Variants in RUNX1 observed in about 807,000 individuals in gnomAD.
RUNX1 encodes runt-related transcription factor 1.
A neutral mutation model predicts 42.8 loss-of-function variants in RUNX1; 19 were observed. That is an observed-to-expected ratio of 0.44 (90% CI 0.31 to 0.65). The LOEUF (loss-of-function observed/expected upper bound fraction) is 0.65. RUNX1 is among the 30% of genes least tolerant of loss of function. The pLI, the probability that RUNX1 is intolerant of heterozygous loss-of-function variation, is 0.07. For missense variants in RUNX1, 528 were observed against 672.0 expected (o/e 0.79, Z 2.37); for synonymous variants, 271 against 289.4 (o/e 0.94, Z 0.64).
chr21:34,931,533 G>GTATATGTAT (rs2058447137), intron 2 of RUNX1, among the ~76,000 whole-genome samples: 1 of 133,940 alleles, frequency 7.5e-6, no homozygotes, highest in Non-Finnish European at 1.5e-5. Flanking sequence ...ATATATACAC[G>GTATATGTAT]TATATGTATT....
At chr21:34,865,279 C>CGTGCGT (rs1555895662) in intron 5 of RUNX1, among the ~76,000 whole-genome samples, 8 of 132,472 alleles carry the variant, frequency 6.0e-5, no homozygotes, top group African/African-American at 1.4e-4. Flanking sequence ...GGGTTTTGTG[C>CGTGCGT]GTGTGTGTGT....
intron 2 of RUNX1, among the ~76,000 whole-genome samples, chr21:35,041,657 T>G (rs937284037): frequency 2.5e-5 from 3 of 118,812 alleles, no homozygotes; most frequent in African/African-American, 4.1e-5. Context: ...TTTTTCTTTC[T>G]TTCTTTTTTT....
chr21:34,803,834 A>C (rs574771790), intron 7 of RUNX1, among the ~76,000 whole-genome samples: 19 of 152,252 alleles, frequency 1.2e-4, no homozygotes, highest in South Asian at 4.2e-4. Context: ...CACAAGAAGA[A>C]AGGAGAATGC....
intron 5 of RUNX1, among the ~76,000 whole-genome samples, chr21:34,874,547 T>C (rs1475849297): frequency 7.4e-6 from 1 of 135,614 alleles, no homozygotes; most frequent in Non-Finnish European, 1.5e-5. Context: ...GAGGTGGAGG[T>C]TGCAGTGAGC....
At chr21:34,904,706 A>T (rs2058203818) in intron 2 of RUNX1, among the ~76,000 whole-genome samples, 2 of 152,184 alleles carry the variant, frequency 1.3e-5, no homozygotes, top group African/African-American at 4.8e-5. Flanking sequence ...ATTGGTTGAT[A>T]CAGCACTTCT....
chr21:34,834,335 G>T, intron 7 of RUNX1, 75 bp downstream of exon 7: 1 of 1,467,234 alleles, frequency 6.8e-7, no homozygotes, highest in Non-Finnish European at 9.6e-7. Flanking sequence ...GGGAAGGTGT[G>T]TGCACATGGG....
At chr21:35,006,179 T>C (rs6517269) in intron 2 of RUNX1, among the ~76,000 whole-genome samples, 47,356 of 152,030 alleles carry the variant, frequency 0.31, 8,453 homozygotes, top group African/African-American at 0.47. Flanking sequence ...ATTGTGGAGT[T>C]GTTGTATGCA....
chr21:34,938,536 C>T (rs1356071378), intron 2 of RUNX1, among the ~76,000 whole-genome samples: 1 of 151,864 alleles, frequency 6.6e-6, no homozygotes, highest in Admixed American at 6.6e-5. Context: ...CCTTCTCCTC[C>T]TTCTTCTTCC....
At position 34,789,911 on chromosome 21, in the gene RUNX1, G is replaced by C; in HGVS notation, c.*2224C>G. 4.3e-6 allele frequency: 1 copy of C among 233,032 alleles called. No individual in the cohort carries two copies. Among genetic ancestry groups the C allele is most frequent in the Non-Finnish European group, 8.5e-6 (1 of 118,014 alleles). 14.4% of individuals were successfully genotyped at this position (233,032 alleles called of 1,614,324 possible). Reference sequence around the variant, plus strand: ...TCATTTTTCTCCAGCATTTTTGCAGGTCAGACATGGTAACATGTGCTGAAA... The same window carrying C: ...TCATTTTTCTCCAGCATTTTTGCAGCTCAGACATGGTAACATGTGCTGAAA... On this transcript the variant is annotated 3_prime_UTR_variant, in exon 9 of 9. Coordinates refer to ENST00000675419, the MANE Select transcript of RUNX1 (RefSeq NM_001754.5).
At chr21:35,017,965 A>G (rs2059171449) in intron 2 of RUNX1, among the ~76,000 whole-genome samples, 1 of 152,176 alleles carries the variant, frequency 6.6e-6, no homozygotes, top group Non-Finnish European at 1.5e-5. Flanking sequence ...TATGGAGAGT[A>G]TAGTATATTG....
intron 2 of RUNX1, among the ~76,000 whole-genome samples, chr21:34,985,461 G>A (rs2058878590): frequency 6.6e-6 from 1 of 152,330 alleles, no homozygotes; most frequent in East Asian, 1.9e-4. Context: ...AGGAGTAGAA[G>A]CTGTGGATGG....
rs117440389 is a variant in RUNX1 at position 35,025,055 on chromosome 21, C to T, written c.58+23787G>A. Among the ~76,000 whole-genome samples the T allele has an allele frequency of 5.2e-3, 792 of 152,246 alleles. 5 individuals are homozygous for T. Among genetic ancestry groups the T allele is most frequent in the South Asian group, 0.029 (138 of 4,818 alleles). ...GAAAGTCATTTCAAAAAAGCAGATC[C>T]GAAGATGTTTAAAGTAATAATGGTG... On this transcript the variant is annotated intron_variant, in intron 2 of 8. Coordinates refer to ENST00000675419, the MANE Select transcript of RUNX1 (RefSeq NM_001754.5).
intron 7 of RUNX1, among the ~76,000 whole-genome samples, chr21:34,820,284 T>G (rs1222572359): frequency 6.6e-6 from 1 of 152,096 alleles, no homozygotes; most frequent in Non-Finnish European, 1.5e-5. Flanking sequence ...AGGATTTCCC[T>G]TCCTTGCTGA....
intron 3 of RUNX1, among the ~76,000 whole-genome samples, chr21:34,889,211 C>T (rs1208670427): frequency 6.6e-6 from 1 of 151,756 alleles, no homozygotes; most frequent in Non-Finnish European, 1.5e-5. Flanking sequence ...CAGGCCTCCG[C>T]TTCCAGGGCG....
chr21:34,989,304 C>T lies in RUNX1; in HGVS notation c.58+59538G>A, dbSNP rs143095095. 2.9e-3 allele frequency among the ~76,000 whole-genome samples: 448 copies of T among 152,098 alleles called. 2 individuals carry two copies. Among genetic ancestry groups the T allele is most frequent in the African/African-American group, 9.7e-3 (403 of 41,482 alleles). On this transcript the variant is annotated intron_variant, in intron 2 of 8. Transcript: ENST00000675419. ...GATTACAAGTGTGAGCCACGGCGCC[C>T]GGCCCCAGATCTCTTTATACTGATC... is the stretch of plus-strand genomic sequence containing the variant.
rs562635601 is a variant in RUNX1 at position 34,976,980 on chromosome 21, CG to C, written c.58+71861del. Reference sequence around the variant, plus strand: ...TGCTATCCAAATTACCTCACTCAAACGGGGAAATGTTCCTTCCATTAAGTAA... The same window carrying C: ...TGCTATCCAAATTACCTCACTCAAACGGGAAATGTTCCTTCCATTAAGTAA... On this transcript the variant is annotated intron_variant, in intron 2 of 8. Transcript: ENST00000675419. 3.7e-3 allele frequency among the ~76,000 whole-genome samples: 565 copies of C among 152,230 alleles called. 9 individuals carry two copies. The highest frequency in any genetic ancestry group is 0.013 in the African/African-American group (540 of 41,516).
intron 5 of RUNX1, among the ~76,000 whole-genome samples, chr21:34,872,835 C>T (rs1050763562): frequency 6.6e-6 from 1 of 152,086 alleles, no homozygotes; most frequent in Non-Finnish European, 1.5e-5. Context: ...AATACACGAC[C>T]ACCAAAAATG....
intron 6 of RUNX1, among the ~76,000 whole-genome samples, chr21:34,844,738 C>T (rs909849324): frequency 1.3e-5 from 2 of 152,216 alleles, no homozygotes; most frequent in East Asian, 1.9e-4. Context: ...AAAAGCCCTG[C>T]CCCCTGGGCC....
chr21:34,916,024 T>C (rs944363605), intron 2 of RUNX1, among the ~76,000 whole-genome samples: 1 of 151,826 alleles, frequency 6.6e-6, no homozygotes, highest in Non-Finnish European at 1.5e-5. Flanking sequence ...AATAGAAGAG[T>C]TTTTTGTGTG....
Sources: allele counts gnomAD v4.1 joint callset (sites outside exome capture counted in the v4.1 genomes callset), GRCh38; gene constraint gnomAD v4.1.1; transcripts MANE v1.5; gene names NCBI Gene and HGNC (gene_info 2026-07-23, HGNC 2026-07-21).